The following GRIK2 variants were observed in gnomAD, a reference collection of about 807,000 sequenced individuals.
The protein encoded by GRIK2 is glutamate receptor ionotropic, kainate 2.
GRIK2 carries 32 observed loss-of-function variants against 100.3 expected under a neutral mutation model. The ratio of observed to expected loss-of-function variants is 0.32; its 90% CI spans 0.24 to 0.43. The LOEUF (loss-of-function observed/expected upper bound fraction) is 0.43, where lower values mean the gene tolerates loss of function less well. GRIK2 is among the 20% of genes least tolerant of loss of function. The pLI is 1.00. For missense variants in GRIK2, 843 were observed against 1,114.9 expected (o/e 0.76, Z 3.47); for synonymous variants, 417 against 389.4 (o/e 1.07, Z -0.83).
intron 4 of GRIK2, among the ~76,000 whole-genome samples, chr6:101,672,684 T>C (rs1181981250): frequency 6.6e-6 from 1 of 152,136 alleles, no homozygotes; most frequent in Non-Finnish European, 1.5e-5. Context: ...GTCACCCAAG[T>C]AATCAGCATA....
chr6:101,564,055 G>GA (rs1257125247), intron 2 of GRIK2, among the ~76,000 whole-genome samples: 2 of 152,132 alleles, frequency 1.3e-5, no homozygotes, highest in Admixed American at 6.6e-5. Context: ...CGCCAAGGCT[G>GA]AATACAAAAT....
chr6:101,410,360 T>C (rs2128237795), intron 2 of GRIK2, among the ~76,000 whole-genome samples: 1 of 152,276 alleles, frequency 6.6e-6, no homozygotes, highest in Non-Finnish European at 1.5e-5. Context: ...TTGGATTTGC[T>C]ACAGTTGTTT....
At chr6:101,578,620 G>GGATA (rs200007163) in intron 2 of GRIK2, among the ~76,000 whole-genome samples, 2,700 of 152,108 alleles carry the variant, frequency 0.018, 81 homozygotes, top group African/African-American at 0.062. Flanking sequence ...AGCCAGGAGG[G>GGATA]GATAGAACAG....
At chr6:101,895,726 T>C (rs1424273605) in intron 12 of GRIK2, among the ~76,000 whole-genome samples, 2 of 151,834 alleles carry the variant, frequency 1.3e-5, no homozygotes, top group Non-Finnish European at 3.0e-5. Flanking sequence ...AAAAACGATT[T>C]CAATTTTAAC....
At chr6:101,970,768 T>C (rs1031191624) in intron 14 of GRIK2, among the ~76,000 whole-genome samples, 1 of 145,212 alleles carries the variant, frequency 6.9e-6, no homozygotes, top group Non-Finnish European at 1.5e-5. Context: ...CTCAATTTCA[T>C]CTAATGTCTG....
intron 2 of GRIK2, among the ~76,000 whole-genome samples, chr6:101,567,852 GTC>G (rs1777352005): frequency 2.0e-5 from 3 of 151,754 alleles, no homozygotes; most frequent in African/African-American, 7.3e-5. Context: ...GTTCTTTACT[GTC>G]TAAAATAATT....
intron 2 of GRIK2, among the ~76,000 whole-genome samples, chr6:101,528,859 T>C (rs1775282142): frequency 6.6e-6 from 1 of 152,164 alleles, no homozygotes. Flanking sequence ...TACAGACTCA[T>C]AGCATTCTTT....
intron 2 of GRIK2, among the ~76,000 whole-genome samples, chr6:101,467,399 T>C (rs996221690): frequency 2.0e-5 from 3 of 152,172 alleles, no homozygotes; most frequent in African/African-American, 7.2e-5. Context: ...CAATTAGGAA[T>C]AGTTTCATTA....
chr6:101,916,919 C>T (rs1789150766), intron 12 of GRIK2, among the ~76,000 whole-genome samples: 1 of 151,592 alleles, frequency 6.6e-6, no homozygotes, highest in Admixed American at 6.6e-5. Context: ...TAGTCGCAGG[C>T]AAGTCTGCTT....
At chr6:101,887,568 C>T (rs1178356191) in intron 11 of GRIK2, among the ~76,000 whole-genome samples, 2 of 152,054 alleles carry the variant, frequency 1.3e-5, no homozygotes, top group Non-Finnish European at 2.9e-5. Context: ...CTATAAAGAA[C>T]TACCTGAGAC....
At chr6:101,862,584 A>C (rs991767065) in intron 11 of GRIK2, among the ~76,000 whole-genome samples, 19 of 140,720 alleles carry the variant, frequency 1.4e-4, no homozygotes, top group African/African-American at 4.9e-4. Context: ...CTAGCTAATT[A>C]TTTATTATTA....
chr6:101,444,510 G>A (rs1770255913), intron 2 of GRIK2, among the ~76,000 whole-genome samples: 1 of 152,060 alleles, frequency 6.6e-6, no homozygotes, highest in African/African-American at 2.4e-5. Context: ...AATAGCCTTT[G>A]GTGGCTGTTG....
chr6:101,870,315 C>T (rs546479758), intron 11 of GRIK2, among the ~76,000 whole-genome samples: 2 of 151,966 alleles, frequency 1.3e-5, no homozygotes, highest in African/African-American at 4.8e-5. Flanking sequence ...GCTTAATACA[C>T]AGTAGAAAAT....
intron 7 of GRIK2, among the ~76,000 whole-genome samples, chr6:101,719,688 C>T (rs906075107): frequency 6.6e-6 from 1 of 152,052 alleles, no homozygotes; most frequent in East Asian, 1.9e-4. Context: ...AATAGCTGTG[C>T]TAAATGCATG....
At chr6:101,661,298 C>G (rs1018265091) in intron 4 of GRIK2, among the ~76,000 whole-genome samples, 1 of 152,088 alleles carries the variant, frequency 6.6e-6, no homozygotes, top group African/African-American at 2.4e-5. Flanking sequence ...CCTACTCAAG[C>G]CTCAGTAATA....
Position 101,686,441 on chromosome 6 carries a change from A to G in GRIK2, c.951+88A>G, listed in dbSNP as rs1219879480. On this transcript the variant is annotated intron_variant, in intron 7 of 16. Transcript: ENST00000369134. ...TTCTGGGTTTATATGCATACATATAAACTTCAGTTTAATTGTTTGACATTA... is the reference window on the plus strand; with the variant it reads ...TTCTGGGTTTATATGCATACATATAGACTTCAGTTTAATTGTTTGACATTA... 3.3e-6 allele frequency: 3 copies of G among 902,536 alleles called. No homozygotes were observed. In the East Asian group the frequency reaches 7.4e-5, roughly 22 times the overall value. The allele number at this position is 902,536 out of a possible 1,614,324, so 55.9% of individuals were successfully genotyped here.
intron 7 of GRIK2, among the ~76,000 whole-genome samples, chr6:101,710,514 A>G (rs1773623799): frequency 6.6e-6 from 1 of 151,874 alleles, no homozygotes; most frequent in Non-Finnish European, 1.5e-5. Flanking sequence ...GAGTGGTGGG[A>G]CTTTGAAACC....
At chr6:101,497,085 T>A (rs1024998201) in intron 2 of GRIK2, among the ~76,000 whole-genome samples, 2 of 152,146 alleles carry the variant, frequency 1.3e-5, no homozygotes, top group African/African-American at 4.8e-5. Flanking sequence ...CATGCTAAAT[T>A]CCTTTCCACA....
chr6:101,737,117 A>T (rs919465037), intron 7 of GRIK2, among the ~76,000 whole-genome samples: 1 of 151,942 alleles, frequency 6.6e-6, no homozygotes, highest in Admixed American at 6.6e-5. Context: ...TGTCCATATC[A>T]TTATCAGGAT....
Sources: gnomAD v4.1 joint callset for allele counts (sites outside exome capture counted in the v4.1 genomes callset) on GRCh38, gnomAD v4.1.1 for gene constraint, MANE v1.5 for transcripts, NCBI Gene and HGNC (gene_info 2026-07-23, HGNC 2026-07-21) for gene names.